KIAA0319: variants seen among roughly 807,000 people sequenced by gnomAD.
KIAA0319 encodes the protein dyslexia-associated protein KIAA0319.
Under a neutral mutation model 108.4 loss-of-function variants are expected in KIAA0319, and 83 were observed. The ratio of observed to expected loss-of-function variants is 0.77; its 90% CI spans 0.64 to 0.92. KIAA0319 has a LOEUF of 0.92. Among genes scored for constraint, KIAA0319 ranks in the 40% least tolerant of loss-of-function variants. KIAA0319 has a pLI of 0.00. For missense variants in KIAA0319, 1,195 were observed against 1,322.4 expected, an observed-to-expected ratio of 0.90 and a Z score of 1.49; for synonymous variants, 484 against 510.4, an observed-to-expected ratio of 0.95 and a Z score of 0.70.
Position 24,636,596 on chromosome 6 carries a change from T to C in KIAA0319, c.-106+9140A>G, listed in dbSNP as rs191971843. ...TGATGAAGCTTGAGTAGAAGAATAG[T>C]AAAATCACTGATACTTTACAAAAAA... On this transcript the variant is annotated intron_variant, in intron 1 of 20. Coordinates refer to ENST00000378214, the MANE Select transcript of KIAA0319 (RefSeq NM_014809.4). Among the ~76,000 whole-genome samples, 207 of 152,232 alleles carry C rather than the reference T, an allele frequency of 1.4e-3. 2 individuals carry two copies. The highest frequency in any genetic ancestry group is 4.0e-3 in the African/African-American group (166 of 41,552).
intron 1 of KIAA0319, 24 bp from the exon 2 acceptor site, chr6:24,601,232 G>A: frequency 1.3e-6 from 2 of 1,522,226 alleles, no homozygotes; most frequent in Non-Finnish European, 1.8e-6. Context: ...ACATAAAAGA[G>A]GAAGGAAGAA....
chr6:24,555,660 C>G (rs1487235956), intron 18 of KIAA0319, among the ~76,000 whole-genome samples: 1 of 151,164 alleles, frequency 6.6e-6, no homozygotes, highest in Non-Finnish European at 1.5e-5. Flanking sequence ...TTATGTCCAT[C>G]TGGTTCCCCA....
intron 1 of KIAA0319, among the ~76,000 whole-genome samples, chr6:24,604,394 C>T (rs985861224): frequency 3.9e-5 from 6 of 152,220 alleles, no homozygotes; most frequent in African/African-American, 1.2e-4. Context: ...ACACTGCTAT[C>T]AGCCAGGGAC....
At chr6:24,576,163 C>T (rs1765464910) in intron 10 of KIAA0319, among the ~76,000 whole-genome samples, 1 of 152,182 alleles carries the variant, frequency 6.6e-6, no homozygotes, top group South Asian at 2.1e-4. Context: ...TGGTTGCTGT[C>T]CTGTGCTTAT....
chr6:24,581,923 C>G (rs1470993783), intron 6 of KIAA0319, among the ~76,000 whole-genome samples: 1 of 152,172 alleles, frequency 6.6e-6, no homozygotes, highest in African/African-American at 2.4e-5. Context: ...GAGGGCAGAT[C>G]ACTTGAGGTC....
intron 20 of KIAA0319, among the ~76,000 whole-genome samples, chr6:24,548,673 G>A (rs929479452): frequency 1.3e-5 from 2 of 152,108 alleles, no homozygotes; most frequent in African/African-American, 4.8e-5. Context: ...AGAAGCATCC[G>A]GGAATATTTA....
intron 20 of KIAA0319, among the ~76,000 whole-genome samples, chr6:24,549,658 G>T (rs147424959): frequency 6.6e-6 from 1 of 152,344 alleles, no homozygotes; most frequent in Non-Finnish European, 1.5e-5. Flanking sequence ...TGTGTAAAAT[G>T]GGGATAATCA....
At chr6:24,577,769 G>C (rs1236553823) in intron 9 of KIAA0319, among the ~76,000 whole-genome samples, 3 of 152,148 alleles carry the variant, frequency 2.0e-5, no homozygotes, top group Non-Finnish European at 2.9e-5. Flanking sequence ...TTCTCAACCA[G>C]GCTGAGTCAG....
chr6:24,601,170 C>CCAAACTCT lies in KIAA0319; in HGVS notation c.-68_-67insAGAGTTTG. 2 of 1,582,262 alleles carry CCAAACTCT rather than the reference C, an allele frequency of 1.3e-6. No homozygotes were observed. The highest frequency in any genetic ancestry group is 2.3e-5 in the South Asian group (2 of 85,804). ...CCTGAAGAGAGTTTGGTGCAAGCTT[C>CCAAACTCT]CTTTGATGTTTTTTAGGAGCCAGAT... On this transcript the variant is annotated 5_prime_UTR_variant, in exon 2 of 21. Transcript: ENST00000378214.
rs565654784 is a variant in KIAA0319, at chr6:24,554,682, C to G, written c.2858-51G>C. ...ACATAGTTACAGGCTATTTGTAGAACAACTTTATTTTGATGATTCATAACA... is the reference window on the plus strand; with the variant it reads ...ACATAGTTACAGGCTATTTGTAGAAGAACTTTATTTTGATGATTCATAACA... On this transcript the variant is annotated intron_variant, in intron 18 of 20. Transcript: ENST00000378214. The G allele has an allele frequency of 8.5e-6, 11 of 1,296,342 alleles. No homozygotes were observed. The East Asian group carries it at 2.5e-4, about 30-fold the overall frequency. The allele number at this position is 1,296,342 out of a possible 1,614,324, so 80.3% of individuals were successfully genotyped here.
At chr6:24,558,364 T>TAG (rs1762596904) in intron 17 of KIAA0319, among the ~76,000 whole-genome samples, 2 of 86,058 alleles carry the variant, frequency 2.3e-5, no homozygotes, top group Admixed American at 1.2e-4. Flanking sequence ...TATATATATA[T>TAG]CTAGATAGAT....
Position 24,579,060 on chromosome 6 carries a change from C to A in KIAA0319, c.1372+798G>T, listed in dbSNP as rs1476279167. Among the ~76,000 whole-genome samples, 3 of 152,138 alleles carry A rather than the reference C, an allele frequency of 2.0e-5. No individual in the cohort carries two copies. The South Asian group carries it at 6.2e-4, about 32-fold the overall frequency. On this transcript the variant is annotated intron_variant, in intron 8 of 20. Coordinates refer to ENST00000378214, the MANE Select transcript of KIAA0319 (RefSeq NM_014809.4). ...AAGATAGGGCAGCTTTAATGGCTAA[C>A]AAGTATTCTTCTTCCAACAACCAAG...
intron 1 of KIAA0319, among the ~76,000 whole-genome samples, chr6:24,637,363 C>A (rs1776333197): frequency 6.6e-6 from 1 of 152,180 alleles, no homozygotes; most frequent in Admixed American, 6.5e-5. Flanking sequence ...TCTCAAAAAA[C>A]AAGGGCGACT....
intron 18 of KIAA0319, 81 bp downstream of exon 18, chr6:24,556,526 T>C (rs1337608264): frequency 6.6e-7 from 1 of 1,509,492 alleles, no homozygotes; most frequent in East Asian, 2.3e-5. Context: ...TGGCCTCGAA[T>C]ATTAGGCAGA....
intron 1 of KIAA0319, among the ~76,000 whole-genome samples, chr6:24,602,484 A>G (rs1770776259): frequency 6.6e-6 from 1 of 152,216 alleles, no homozygotes; most frequent in Admixed American, 6.5e-5. Flanking sequence ...TCCCAAACAC[A>G]ACATAAAGCA....
At chr6:24,628,198 T>C (rs1774980658) in intron 1 of KIAA0319, among the ~76,000 whole-genome samples, 3 of 152,260 alleles carry the variant, frequency 2.0e-5, no homozygotes, top group Admixed American at 6.5e-5. Flanking sequence ...ATTTGTGGAC[T>C]GTTGCTTTTA....
chr6:24,559,950 A>G (rs938571466), intron 16 of KIAA0319, among the ~76,000 whole-genome samples: 1 of 152,224 alleles, frequency 6.6e-6, no homozygotes, highest in African/African-American at 2.4e-5. Context: ...AGATGGAATC[A>G]TACAATATGA....
Position 24,623,627 on chromosome 6 carries a change from G to A in KIAA0319, c.-106+22109C>T, listed in dbSNP as rs150654566. Among the ~76,000 whole-genome samples, 1,138 of 152,298 alleles carry A rather than the reference G, an allele frequency of 7.5e-3. 9 individuals are homozygous for A. The highest frequency in any genetic ancestry group is 0.011 in the Non-Finnish European group (776 of 68,012). The stretch of plus-strand genomic sequence containing the variant: ...CATTAGTGGAACAACGAGGGCAATG[G>A]AGGAATTCAAAATTCTAAGGGGGAT... On this transcript the variant is annotated intron_variant, in intron 1 of 20. Transcript: ENST00000378214.
chr6:24,583,118 T>C, intron 5 of KIAA0319: 1 of 985,990 alleles, frequency 1.0e-6, no homozygotes, highest in Non-Finnish European at 1.2e-6. Context: ...TACTGAATGG[T>C]AGAGCACTGG....
Sources: gnomAD v4.1 joint callset for allele counts (sites outside exome capture counted in the v4.1 genomes callset) on GRCh38, gnomAD v4.1.1 for gene constraint, MANE v1.5 for transcripts, NCBI Gene and HGNC (gene_info 2026-07-23, HGNC 2026-07-21) for gene names.